Variants in GPHN observed in about 807,000 individuals in gnomAD.
GPHN encodes gephyrin.
Under a neutral mutation model 95.5 loss-of-function variants are expected in GPHN, and 17 were observed. That is an observed-to-expected ratio of 0.18 (90% CI 0.12 to 0.27). The LOEUF is 0.27. GPHN is among the 10% of genes least tolerant of loss of function. The pLI is 1.00. For synonymous variants in GPHN, 320 were observed against 322.5 expected (o/e 0.99, Z 0.08); for missense variants, 660 against 978.1 (o/e 0.67, Z 4.34).
intron 1 of GPHN, among the ~76,000 whole-genome samples, chr14:66,653,714 C>A (rs8007662): frequency 0.25 from 38,079 of 152,130 alleles, 9,593 homozygotes; most frequent in African/African-American, 0.61. Flanking sequence ...TGTGTACTTT[C>A]TATTAGCATA....
the GPHN span, chr14:67,204,704 A>G: frequency 1.1e-5 from 18 of 1,613,890 alleles, no homozygotes; most frequent in South Asian, 1.9e-4. Context: ...CTCTTGAATC[A>G]GGAGAAAGCC....
At chr14:67,575,129 G>T in the GPHN span, among the ~76,000 whole-genome samples, 3 of 149,474 alleles carry the variant, frequency 2.0e-5, no homozygotes, top group Admixed American at 6.7e-5. Flanking sequence ...ATTTTCATAT[G>T]CCTGGAGGGG....
At chr14:66,774,222 T>A (rs2059297567) in intron 2 of GPHN, among the ~76,000 whole-genome samples, 1 of 151,896 alleles carries the variant, frequency 6.6e-6, no homozygotes, top group South Asian at 2.1e-4. Flanking sequence ...CAGGATGGTC[T>A]CGATCTCCTG....
chr14:67,462,329 C>G, the GPHN span, among the ~76,000 whole-genome samples: 1 of 152,148 alleles, frequency 6.6e-6, no homozygotes, highest in Non-Finnish European at 1.5e-5. Flanking sequence ...CTGGTTGCAA[C>G]TAACTGAAGT....
At chr14:67,186,922 G>A in the GPHN span, among the ~76,000 whole-genome samples, 23 of 152,280 alleles carry the variant, frequency 1.5e-4, no homozygotes, top group African/African-American at 2.4e-4. Context: ...AAACAGGTGC[G>A]TCTGAGCTGG....
At chr14:66,652,107 A>T (rs560201444) in intron 1 of GPHN, among the ~76,000 whole-genome samples, 2 of 152,238 alleles carry the variant, frequency 1.3e-5, no homozygotes, top group East Asian at 1.9e-4. Context: ...CTTTCAAAAG[A>T]TTGAGTCTTT....
the GPHN span, among the ~76,000 whole-genome samples, chr14:67,567,277 A>T: frequency 2.0e-5 from 3 of 152,196 alleles, no homozygotes; most frequent in Non-Finnish European, 2.9e-5. Context: ...AACATTTCTC[A>T]ATCTGACGGT....
At position 67,110,294 on chromosome 14, in the gene GPHN, C is replaced by T. The variant is rs756942474; in HGVS notation, c.1413+35C>T. The T allele has an allele frequency of 5.0e-6, 8 of 1,609,702 alleles. No individual in the cohort carries two copies. In the South Asian group the frequency reaches 8.8e-5, roughly 18 times the overall value. On this transcript the variant is annotated intron_variant, in intron 14 of 22. Transcript: ENST00000478722. ...CACCAAGTCTTACTGTGCTGTTGTT[C>T]CTATGGCAGTATTATGTCACAACCA... is the stretch of plus-strand genomic sequence containing the variant.
At chr14:67,352,829 A>C in the GPHN span, 2 of 763,930 alleles carry the variant, frequency 2.6e-6, no homozygotes, top group South Asian at 3.9e-5. Context: ...GAAAGAAAAA[A>C]ATTAATTAAA....
chr14:67,217,937 A>T, the GPHN span, among the ~76,000 whole-genome samples: 106 of 152,244 alleles, frequency 7.0e-4, 3 homozygotes, highest in South Asian at 0.022. Flanking sequence ...TGTCACAGGG[A>T]AAGACTTATT....
chr14:67,651,378 T>TAG, the GPHN span: 2 of 1,613,432 alleles, frequency 1.2e-6, no homozygotes, highest in African/African-American at 2.7e-5. Context: ...CCCTTCCCTA[T>TAG]AGAAGTTCAA....
intron 5 of GPHN, among the ~76,000 whole-genome samples, chr14:66,893,547 C>A (rs1000201568): frequency 6.6e-6 from 1 of 152,264 alleles, no homozygotes; most frequent in Admixed American, 6.5e-5. Context: ...AAAGGGTATT[C>A]AATTAGGAAA....
At chr14:67,436,603 C>G in the GPHN span, among the ~76,000 whole-genome samples, 1 of 152,174 alleles carries the variant, frequency 6.6e-6, no homozygotes, top group East Asian at 1.9e-4. Context: ...TAGTCTGCTC[C>G]CAGCCTCCAT....
At chr14:67,693,499 C>G in the GPHN span, among the ~76,000 whole-genome samples, 1 of 148,974 alleles carries the variant, frequency 6.7e-6, no homozygotes, top group Non-Finnish European at 1.5e-5. Context: ...GCTTGTGACT[C>G]TGGGACAAAA....
intron 2 of GPHN, among the ~76,000 whole-genome samples, chr14:66,735,377 AG>A (rs2072169881): frequency 6.6e-6 from 1 of 152,220 alleles, no homozygotes; most frequent in Non-Finnish European, 1.5e-5. Flanking sequence ...TTATTGTGGA[AG>A]AGGAAAGGAG....
intron 17 of GPHN, among the ~76,000 whole-genome samples, chr14:67,137,805 A>C (rs568407022): frequency 3.3e-5 from 5 of 152,232 alleles, no homozygotes; most frequent in African/African-American, 1.2e-4. Context: ...AGGAATGGCT[A>C]AGCACCATCC....
chr14:67,393,239 C>T, the GPHN span: 45 of 1,611,048 alleles, frequency 2.8e-5, no homozygotes, highest in Non-Finnish European at 3.5e-5. Context: ...GTCCACAATG[C>T]GACTACATGG....
the GPHN span, among the ~76,000 whole-genome samples, chr14:67,627,435 T>C: frequency 1.3e-5 from 2 of 152,154 alleles, no homozygotes; most frequent in African/African-American, 2.4e-5. Context: ...TGTCTGTTGA[T>C]AGATATCCAT....
At chr14:67,225,145 C>A in the GPHN span, 25 of 1,585,006 alleles carry the variant, frequency 1.6e-5, no homozygotes, top group South Asian at 4.7e-5. Flanking sequence ...AAATCTCCTT[C>A]TAATTTCCTC....
Sources: allele counts gnomAD v4.1 joint callset (sites outside exome capture counted in the v4.1 genomes callset), GRCh38; gene constraint gnomAD v4.1.1; transcripts MANE v1.5; gene names NCBI Gene and HGNC (gene_info 2026-07-23, HGNC 2026-07-21).